CTBP2: variants seen among roughly 807,000 people sequenced by gnomAD.
The protein encoded by CTBP2 is C-terminal binding protein 2.
CTBP2 carries 30 observed loss-of-function variants against 80.3 expected under a neutral mutation model. The observed-to-expected ratio is 0.37, with a 90% CI of 0.28 to 0.51. CTBP2 has a LOEUF of 0.51. Among genes scored for constraint, CTBP2 ranks in the 20% least tolerant of loss-of-function variants. CTBP2 has a pLI of 0.93. For missense variants in CTBP2, 1,212 were observed against 1,375.3 expected (o/e 0.88, Z 1.88); for synonymous variants, 594 against 587.4 (o/e 1.01, Z -0.16).
chr10:125,028,929 G>A (rs1957915507), upstream of CTBP2, among the ~76,000 whole-genome samples: 1 of 152,184 alleles, frequency 6.6e-6, no homozygotes, highest in South Asian at 2.1e-4. Flanking sequence ...ATAAAGGAGT[G>A]CCCCGAAGTA....
intron 2 of CTBP2, among the ~76,000 whole-genome samples, chr10:125,055,346 G>C (rs1963661348): frequency 6.6e-6 from 1 of 152,160 alleles, no homozygotes; most frequent in South Asian, 2.1e-4. Context: ...GGCAGAAATG[G>C]GAAGGCTGCA....
At chr10:125,135,635 C>T (rs1348855610) in intron 1 of CTBP2, among the ~76,000 whole-genome samples, 1 of 152,236 alleles carries the variant, frequency 6.6e-6, no homozygotes, top group Non-Finnish European at 1.5e-5. Context: ...CCTCTCCATC[C>T]CCACGCACAC....
intron 2 of CTBP2, among the ~76,000 whole-genome samples, chr10:125,053,592 AG>A (rs1235997795): frequency 6.6e-6 from 1 of 152,122 alleles, no homozygotes; most frequent in African/African-American, 2.4e-5. Context: ...GAGGCAGAGA[AG>A]GGGTGAGGCT....
At chr10:125,062,457 A>AGTGCCACCC (rs11281141) in intron 2 of CTBP2, among the ~76,000 whole-genome samples, 89,691 of 151,740 alleles carry the variant, frequency 0.59, 28,803 homozygotes, top group African/African-American at 0.86. Context: ...ACGTGGGGAC[A>AGTGCCACCC]ACTCTGAAGG....
chr10:125,157,069 GT>G (rs1308095688), intron 1 of CTBP2, among the ~76,000 whole-genome samples: 1 of 152,198 alleles, frequency 6.6e-6, no homozygotes, highest in Non-Finnish European at 1.5e-5. Context: ...TGGCAGTAGT[GT>G]TTGTTTTTAA....
chr10:125,110,265 A>C (rs1413278147), intron 2 of CTBP2, among the ~76,000 whole-genome samples: 1 of 152,266 alleles, frequency 6.6e-6, no homozygotes, highest in Non-Finnish European at 1.5e-5. Flanking sequence ...TTAAAAAGCA[A>C]GATTAAAATC....
intron 2 of CTBP2, among the ~76,000 whole-genome samples, chr10:125,059,302 C>T (rs541282461): frequency 1.4e-3 from 215 of 152,144 alleles, no homozygotes; most frequent in African/African-American, 4.8e-3. Context: ...GAATTGAGGC[C>T]GGGCATGGTG....
intron 2 of CTBP2, among the ~76,000 whole-genome samples, chr10:125,042,147 C>T (rs544035365): frequency 6.6e-6 from 1 of 152,340 alleles, no homozygotes; most frequent in East Asian, 1.9e-4. Context: ...CCTCAATCCT[C>T]TCCCCCGATA....
intron 1 of CTBP2, chr10:125,122,550 G>A (rs1266363320): frequency 6.6e-6 from 1 of 152,266 alleles, no homozygotes; most frequent in Non-Finnish European, 1.5e-5. Context: ...CTGAGAGCAT[G>A]AGCGCCAAGA....
chr10:125,060,478 G>A (rs1271663866), intron 2 of CTBP2, among the ~76,000 whole-genome samples: 1 of 151,302 alleles, frequency 6.6e-6, no homozygotes, highest in Admixed American at 6.6e-5. Flanking sequence ...GTGTGTGTGT[G>A]TGTGTGTGTG....
intron 2 of CTBP2, among the ~76,000 whole-genome samples, chr10:125,107,036 C>A (rs972501802): frequency 6.6e-6 from 1 of 152,214 alleles, no homozygotes; most frequent in Non-Finnish European, 1.5e-5. Context: ...TGAATCAATG[C>A]CTCCCATTTA....
chr10:125,074,253 C>A (rs946949828), intron 2 of CTBP2, among the ~76,000 whole-genome samples: 1 of 152,192 alleles, frequency 6.6e-6, no homozygotes, highest in Non-Finnish European at 1.5e-5. Context: ...TAGCTCAGGG[C>A]AACAAGGATC....
intron 1 of CTBP2, among the ~76,000 whole-genome samples, chr10:125,017,876 T>C (rs1956649357): frequency 6.6e-6 from 1 of 151,860 alleles, no homozygotes; most frequent in South Asian, 2.1e-4. Flanking sequence ...GGGGGGCAGG[T>C]AGGGTGGGCA....
At chr10:125,085,373 C>G (rs1458264651) in intron 2 of CTBP2, among the ~76,000 whole-genome samples, 1 of 152,202 alleles carries the variant, frequency 6.6e-6, no homozygotes, top group African/African-American at 2.4e-5. Context: ...AGGATCCCGT[C>G]TCCTTCCTGT....
At chr10:125,114,398 G>A (rs568884693) in intron 1 of CTBP2, among the ~76,000 whole-genome samples, 8 of 151,602 alleles carry the variant, frequency 5.3e-5, no homozygotes, top group African/African-American at 1.5e-4. Flanking sequence ...GAAGAGAACC[G>A]CAGCACCCAG....
At chr10:125,023,855 A>G (rs1372310165) in intron 1 of CTBP2, among the ~76,000 whole-genome samples, 3 of 152,196 alleles carry the variant, frequency 2.0e-5, no homozygotes, top group African/African-American at 4.8e-5. Flanking sequence ...CCACCCCACT[A>G]TAAGCAGTGC....
At chr10:125,031,518 T>C (rs1564754749), upstream of CTBP2, among the ~76,000 whole-genome samples, 1 of 123,902 alleles carries the variant, frequency 8.1e-6, no homozygotes, top group African/African-American at 3.0e-5. Context: ...AAAAAAGTCT[T>C]TCCTCTCATC....
rs1348841236 is a variant in CTBP2, at chr10:124,986,289, G to GCACACACACACACACACACACA, written c.*3228_*3229insTGTGTGTGTGTGTGTGTGTGTG. 4 of 108,358 alleles carry GCACACACACACACACACACACA rather than the reference G, an allele frequency of 3.7e-5. No homozygotes were observed. The highest frequency in any genetic ancestry group is 1.5e-4 in the African/African-American group (4 of 27,546). 6.7% of individuals were successfully genotyped at this position (108,358 alleles called of 1,614,324 possible). On this transcript the variant is annotated 3_prime_UTR_variant, in exon 9 of 9. Transcript: ENST00000309035. ...AAAGACGACACACGCACGCGCGCGC[G>GCACACACACACACACACACACA]CGCACACACACACACACACACACAC...
upstream of CTBP2, among the ~76,000 whole-genome samples, chr10:125,161,694 G>A (rs1314181482): frequency 6.6e-6 from 1 of 151,242 alleles, no homozygotes; most frequent in Non-Finnish European, 1.5e-5. Flanking sequence ...CCTAAAAGAA[G>A]CAAAACATTC....
Sources: allele counts gnomAD v4.1 joint callset (sites outside exome capture counted in the v4.1 genomes callset), GRCh38; gene constraint gnomAD v4.1.1; transcripts MANE v1.5; gene names NCBI Gene and HGNC (gene_info 2026-07-23, HGNC 2026-07-21).